Variants in SYK observed in about 807,000 individuals in gnomAD.
SYK encodes the protein tyrosine-protein kinase SYK.
In SYK, 16 loss-of-function variants were observed where a neutral mutation model predicts 77.8. The observed-to-expected ratio is 0.21, with a 90% CI of 0.14 to 0.31. The LOEUF is 0.31. SYK is among the 10% of genes least tolerant of loss of function. The pLI is 1.00. For missense variants in SYK, 529 were observed against 814.4 expected, an observed-to-expected ratio of 0.65 and a Z score of 4.26; for synonymous variants, 312 against 308.7, an observed-to-expected ratio of 1.01 and a Z score of -0.11.
Position 90,844,203 on chromosome 9 carries a change from T to G in SYK, c.305T>G (p.Leu102Arg), listed in dbSNP as rs1417347093. Residue 102 changes from leucine to arginine, a missense_variant, in exon 2 of 14, where the codon CTC (leucine) becomes CGC (arginine). By Grantham distance (102) the Leu-to-Arg change is moderately radical. Transcript: ENST00000375754. ...HSQESDGLVC[L>R]LKKPFNRPQG... ...CAGGAGTCTGATGGCCTGGTCTGCC[T>G]CCTCAAGAAGCCCTTCAACCGGCCC... The G allele has an allele frequency of 3.7e-6, 6 of 1,614,076 alleles. No individual in the cohort carries two copies. In the Admixed American group the frequency reaches 8.3e-5, roughly 22 times the overall value.
At chr9:90,882,546 T>C (rs1205899298) in intron 11 of SYK, among the ~76,000 whole-genome samples, 7 of 152,262 alleles carry the variant, frequency 4.6e-5, no homozygotes, top group African/African-American at 1.7e-4. Flanking sequence ...TTTTGACCTC[T>C]GTACTATCAC....
At chr9:90,855,630 G>A (rs937370040) in intron 3 of SYK, among the ~76,000 whole-genome samples, 21 of 151,972 alleles carry the variant, frequency 1.4e-4, no homozygotes, top group Non-Finnish European at 2.1e-4. Context: ...CATGGAGCCC[G>A]TAACTTAAGA....
At chr9:90,828,554 C>T (rs2118481624) in intron 1 of SYK, among the ~76,000 whole-genome samples, 2 of 152,286 alleles carry the variant, frequency 1.3e-5, no homozygotes, top group Admixed American at 6.5e-5. Flanking sequence ...CCCCACACCG[C>T]TGGCTGCAAC....
In SYK at chr9:90,844,168, C is replaced by T. The variant is rs199646361; in HGVS notation, c.270C>T (p.His90=). The T allele has an allele frequency of 1.1e-5, 18 of 1,614,250 alleles. No homozygotes were observed. The highest frequency in any genetic ancestry group is 1.5e-5 in the Non-Finnish European group (18 of 1,180,042). ...ATGCCAGCCCCGCCGACCTCTGCCA[C>T]TACCACTCCCAGGAGTCTGATGGCC... The part of the protein sequence containing the change: ...RTHASPADLC[H]YHSQESDGLV... Residue 90 remains histidine, a synonymous_variant, in exon 2 of 14, where the codon CAC becomes CAT. Transcript: ENST00000375754.
At chr9:90,813,517 C>T (rs1446096230) in intron 1 of SYK, among the ~76,000 whole-genome samples, 4 of 152,186 alleles carry the variant, frequency 2.6e-5, no homozygotes, top group Non-Finnish European at 4.4e-5. Context: ...GGTCTAGATT[C>T]CATCCTTCAC....
At chr9:90,868,195 G>C (rs1827590649) in intron 7 of SYK, among the ~76,000 whole-genome samples, 1 of 152,174 alleles carries the variant, frequency 6.6e-6, no homozygotes, top group African/African-American at 2.4e-5. Context: ...GTGTTCGAGA[G>C]GAAGAAAAGG....
At chr9:90,848,109 G>A (rs1340863057) in intron 3 of SYK, among the ~76,000 whole-genome samples, 1 of 152,140 alleles carries the variant, frequency 6.6e-6, no homozygotes, top group Non-Finnish European at 1.5e-5. Context: ...TGGAGAGCAG[G>A]GAGAGTTTGC....
At chr9:90,808,374 G>A (rs1440050153) in intron 1 of SYK, among the ~76,000 whole-genome samples, 2 of 151,320 alleles carry the variant, frequency 1.3e-5, no homozygotes, top group African/African-American at 4.9e-5. Context: ...GTCTCCCGGG[G>A]TATCAGTTCA....
At chr9:90,839,263 C>T (rs1016003912) in intron 1 of SYK, among the ~76,000 whole-genome samples, 2 of 152,160 alleles carry the variant, frequency 1.3e-5, no homozygotes, top group African/African-American at 2.4e-5. Context: ...CATAAGCTGT[C>T]CTTGCAGTGA....
intron 1 of SYK, among the ~76,000 whole-genome samples, chr9:90,816,245 A>C (rs1340887332): frequency 2.0e-5 from 3 of 152,192 alleles, no homozygotes; most frequent in Non-Finnish European, 4.4e-5. Context: ...ATGTGTCCCA[A>C]GCAATCTGAT....
chr9:90,849,313 G>A (rs1456425777), intron 3 of SYK, among the ~76,000 whole-genome samples: 2 of 152,102 alleles, frequency 1.3e-5, no homozygotes, highest in Non-Finnish European at 2.9e-5. Flanking sequence ...GTTTGTCTCC[G>A]CTCTGATCTC....
At chr9:90,888,434 A>G (rs1022557414) in intron 12 of SYK, 81 bp from the exon 13 acceptor site, 4 of 962,394 alleles carry the variant, frequency 4.2e-6, no homozygotes, top group African/African-American at 3.3e-5. Context: ...GTACTCCTTC[A>G]TGTCTTGGAG....
rs147723440 is a variant in SYK, at chr9:90,820,268, CA to C, written c.-42+18376del. ...GTCTGTAGGATGGTGACCCTCTACT[CA>C]CGGCTCCACTAGGCAGTGCCCCAGT... On this transcript the variant is annotated intron_variant, in intron 1 of 13. Transcript: ENST00000375754. Among the ~76,000 whole-genome samples, 605 of 152,332 alleles carry C rather than the reference CA, an allele frequency of 4.0e-3. 4 individuals are homozygous for C. Among genetic ancestry groups the C allele is most frequent in the South Asian group, 0.023 (109 of 4,830 alleles).
intron 1 of SYK, among the ~76,000 whole-genome samples, chr9:90,825,425 C>A (rs1218515799): frequency 6.6e-6 from 1 of 152,160 alleles, no homozygotes; most frequent in African/African-American, 2.4e-5. Context: ...ACAATACCCA[C>A]TAAAAAGGAC....
At chr9:90,860,062 C>A (rs1396145727) in intron 3 of SYK, among the ~76,000 whole-genome samples, 3 of 152,190 alleles carry the variant, frequency 2.0e-5, no homozygotes, top group African/African-American at 7.2e-5. Flanking sequence ...AGTCTTGGCT[C>A]ACTGCAGCTT....
intron 1 of SYK, among the ~76,000 whole-genome samples, chr9:90,813,150 C>T (rs1195112789): frequency 4.6e-5 from 7 of 151,866 alleles, no homozygotes; most frequent in Middle Eastern, 3.2e-3. Context: ...GTTTTTTTCT[C>T]GTGAGAAGGA....
intron 13 of SYK, among the ~76,000 whole-genome samples, chr9:90,888,928 A>G (rs575375359): frequency 6.8e-4 from 104 of 152,286 alleles, no homozygotes; most frequent in African/African-American, 2.4e-3. Context: ...AAGTGTTTGT[A>G]AGAGTTTGGG....
At chr9:90,888,806 C>T (rs1828679443) in intron 13 of SYK, among the ~76,000 whole-genome samples, 179 bp downstream of exon 13, 1 of 152,216 alleles carries the variant, frequency 6.6e-6, no homozygotes, top group Non-Finnish European at 1.5e-5. Flanking sequence ...GGCCCATGCA[C>T]TTACATGTAG....
chr9:90,870,600 A>C (rs1417091291), intron 7 of SYK, among the ~76,000 whole-genome samples: 2 of 152,212 alleles, frequency 1.3e-5, no homozygotes, highest in East Asian at 3.8e-4. Context: ...AACAGATTTT[A>C]GATCTTCACT....
Sources: gnomAD v4.1 joint callset for allele counts (sites outside exome capture counted in the v4.1 genomes callset) on GRCh38, gnomAD v4.1.1 for gene constraint, MANE v1.5 for transcripts, NCBI Gene and HGNC (gene_info 2026-07-23, HGNC 2026-07-21) for gene names.